The following GAD2 variants were observed in gnomAD, a reference collection of about 807,000 sequenced individuals.
The protein encoded by GAD2 is 65 kDa glutamic acid decarboxylase.
In GAD2, 22 loss-of-function variants were observed where a neutral mutation model predicts 80.1. The ratio of observed to expected loss-of-function variants is 0.27; its 90% CI spans 0.20 to 0.39. The LOEUF (loss-of-function observed/expected upper bound fraction) is 0.39. Among genes scored for constraint, GAD2 ranks in the 10% least tolerant of loss-of-function variants. The pLI is 1.00. For missense variants in GAD2, 624 were observed against 738.4 expected, an observed-to-expected ratio of 0.85 and a Z score of 1.80; for synonymous variants, 274 against 256.9, an observed-to-expected ratio of 1.07 and a Z score of -0.64.
At chr10:26,247,024 G>A (rs780218888) in intron 8 of GAD2, among the ~76,000 whole-genome samples, 6 of 152,208 alleles carry the variant, frequency 3.9e-5, no homozygotes, top group African/African-American at 7.2e-5. Flanking sequence ...TGGATCTCGC[G>A]CAAGAAGGAA....
Position 26,245,903 on chromosome 10 carries a change from T to C in GAD2, c.841-18T>C. ...CTGTATATGGAACTAATTGCAAATA[T>C]ATATATTTTTTTTACAGAGTCATTT... On this transcript the variant is annotated intron_variant, in intron 7 of 15. Transcript: ENST00000376261. 6.3e-7 allele frequency: 1 copy of C among 1,589,234 alleles called. No individual in the cohort carries two copies. The highest frequency in any genetic ancestry group is 1.1e-5 in the South Asian group (1 of 90,410).
chr10:26,249,067 T>C (rs1844845461), intron 8 of GAD2, among the ~76,000 whole-genome samples: 1 of 152,114 alleles, frequency 6.6e-6, no homozygotes, highest in Non-Finnish European at 1.5e-5. Context: ...TTGCCTCTTT[T>C]TTTGGCGGGG....
Position 26,216,886 on chromosome 10 carries a change from GTAGGAAGGAGAA to G in GAD2, c.76+2_76+13del. ...GGGGATTCCGAGAATCCCGGCACAG[GTAGGAAGGAGAA>G]CGGGGGCCTGCGGCGGGCGAGTTTT... On this transcript the variant is annotated splice_donor_variant and splice_donor_5th_base_variant and intron_variant, in intron 1 of 15. Transcript: ENST00000376261. LOFTEE classifies it high-confidence loss of function. The surrounding 1 kb of genome is among the most constrained non-coding windows in gnomAD (Gnocchi z 4.7). 1 of 1,609,704 alleles carries G rather than the reference GTAGGAAGGAGAA, an allele frequency of 6.2e-7. No individual in the cohort carries two copies. The highest frequency in any genetic ancestry group is 8.5e-7 in the Non-Finnish European group (1 of 1,178,116).
chr10:26,274,448 A>G (rs536110816), intron 11 of GAD2, among the ~76,000 whole-genome samples: 1 of 152,358 alleles, frequency 6.6e-6, no homozygotes, highest in South Asian at 2.1e-4. Flanking sequence ...CAGTTCTCTC[A>G]TCACAACATG....
At chr10:26,241,614 A>G (rs1844743894) in intron 7 of GAD2, among the ~76,000 whole-genome samples, 1 of 151,940 alleles carries the variant, frequency 6.6e-6, no homozygotes, top group African/African-American at 2.4e-5. Flanking sequence ...TTCCTAACAA[A>G]ACTTTCCCCA....
At chr10:26,256,141 G>A (rs974579284) in intron 8 of GAD2, among the ~76,000 whole-genome samples, 5 of 152,066 alleles carry the variant, frequency 3.3e-5, no homozygotes, top group Non-Finnish European at 7.4e-5. Context: ...GTTATAAACA[G>A]TCTGACACAT....
rs76075506 is a variant in GAD2 at position 26,290,341 on chromosome 10, C to T, written c.1387-2124C>T. The stretch of plus-strand genomic sequence containing the variant: ...AGACACATCTGGGGAATTTAAAGGA[C>T]GGAGAGCTCATTCCTGGTTTAAGAA... On this transcript the variant is annotated intron_variant, in intron 13 of 15. Coordinates refer to ENST00000376261, the MANE Select transcript of GAD2 (RefSeq NM_001134366.2). Among the ~76,000 whole-genome samples the T allele has an allele frequency of 1.3e-3, 197 of 152,232 alleles. 2 individuals are homozygous for T. Among genetic ancestry groups the T allele is most frequent in the African/African-American group, 4.4e-3 (183 of 41,534 alleles).
At chr10:26,225,037 T>G (rs1844503472) in intron 6 of GAD2, among the ~76,000 whole-genome samples, 1 of 152,122 alleles carries the variant, frequency 6.6e-6, no homozygotes, top group African/African-American at 2.4e-5. Flanking sequence ...TAATAAAGCA[T>G]TTGCTGTTCA....
intron 11 of GAD2, among the ~76,000 whole-genome samples, chr10:26,276,003 T>A (rs1354247691): frequency 6.6e-6 from 1 of 151,970 alleles, no homozygotes; most frequent in East Asian, 1.9e-4. Context: ...GAATTTGTTT[T>A]TTTTAAATTA....
Position 26,238,632 on chromosome 10 carries a change from G to A in GAD2, c.841-7289G>A, listed in dbSNP as rs116396944. ...CTAATAAGATAGCAGCTTCACAGAC[G>A]TGCCTGTGTACAGATCCACATCACC... On this transcript the variant is annotated intron_variant, in intron 7 of 15. Coordinates refer to ENST00000376261, the MANE Select transcript of GAD2 (RefSeq NM_001134366.2). Among the ~76,000 whole-genome samples the A allele has an allele frequency of 4.7e-3, 719 of 152,280 alleles. 7 individuals are homozygous for A. The highest frequency in any genetic ancestry group is 0.016 in the African/African-American group (678 of 41,544).
chr10:26,274,005 A>C (rs1322759947), intron 11 of GAD2, among the ~76,000 whole-genome samples: 1 of 152,218 alleles, frequency 6.6e-6, no homozygotes, highest in Non-Finnish European at 1.5e-5. Context: ...AACCAACCAC[A>C]AAAATTGTTT....
chr10:26,285,863 C>T (rs1404262352), intron 12 of GAD2, among the ~76,000 whole-genome samples: 2 of 151,678 alleles, frequency 1.3e-5, no homozygotes, highest in Non-Finnish European at 2.9e-5. Context: ...TCCCTAACAG[C>T]TAAATGATAA....
rs751820863 is a variant in GAD2, at chr10:26,286,510, C to A, written c.1386+16C>A. 1 of 1,597,570 alleles carries A rather than the reference C, an allele frequency of 6.3e-7. No homozygotes were observed. Among genetic ancestry groups the A allele is most frequent in the South Asian group, 1.1e-5 (1 of 87,414 alleles). ...GAGGGCAAAGGTGAGTATGTATGGA[C>A]CAGCTAAATGTCAACTAAAAACAGA... On this transcript the variant is annotated intron_variant, in intron 13 of 15. Transcript: ENST00000376261.
intron 7 of GAD2, among the ~76,000 whole-genome samples, chr10:26,241,428 A>G (rs6482540): frequency 0.2 from 30,608 of 152,114 alleles, 5,442 homozygotes; most frequent in African/African-American, 0.49. Flanking sequence ...CAGGTGGAGT[A>G]GGATGCTGTC....
At chr10:26,252,369 G>A (rs1027933915) in intron 8 of GAD2, among the ~76,000 whole-genome samples, 2 of 151,544 alleles carry the variant, frequency 1.3e-5, no homozygotes, top group African/African-American at 4.9e-5. Flanking sequence ...TTGAGACAAG[G>A]TCTCACTCTG....
chr10:26,295,507 T>C (rs1402736907), intron 15 of GAD2, among the ~76,000 whole-genome samples: 9 of 59,540 alleles, frequency 1.5e-4, no homozygotes, highest in African/African-American at 1.2e-3. Context: ...TTCATACGCA[T>C]GCACACACAC....
At chr10:26,240,936 G>A (rs770521084) in intron 7 of GAD2, among the ~76,000 whole-genome samples, 16 of 151,960 alleles carry the variant, frequency 1.1e-4, no homozygotes, top group South Asian at 2.1e-4. Context: ...CAGCTACTCC[G>A]GAGGCTGAGG....
At chr10:26,279,352 AC>A (rs1315923877) in intron 11 of GAD2, among the ~76,000 whole-genome samples, 1 of 152,216 alleles carries the variant, frequency 6.6e-6, no homozygotes, top group Non-Finnish European at 1.5e-5. Context: ...GCATGATGAG[AC>A]CCAGGAGTAT....
In GAD2 at chr10:26,231,013, C is replaced by T. The variant is rs186665768; in HGVS notation, c.840+1236C>T. 4.2e-3 allele frequency among the ~76,000 whole-genome samples: 638 copies of T among 152,156 alleles called. 6 individuals carry two copies. The highest frequency in any genetic ancestry group is 0.014 in the African/African-American group (601 of 41,518). ...GCTGAGGCAGGAGAATCACTTGAAC[C>T]GAGGAGGCAAAGGTTGCAGTGAGAA... On this transcript the variant is annotated intron_variant, in intron 7 of 15. Transcript: ENST00000376261.
Sources: gnomAD v4.1 joint callset for allele counts (sites outside exome capture counted in the v4.1 genomes callset) on GRCh38, gnomAD v4.1.1 for gene constraint, Gnocchi (gnomAD v3.1) non-coding constraint, MANE v1.5 for transcripts, NCBI Gene and HGNC (gene_info 2026-07-23, HGNC 2026-07-21) for gene names.